Variants in TRPM3 observed in about 807,000 individuals in gnomAD.
TRPM3 encodes the protein long transient receptor potential channel 3.
In TRPM3, 77 loss-of-function variants were observed where a neutral mutation model predicts 181.2. The ratio of observed to expected loss-of-function variants is 0.42; its 90% CI spans 0.35 to 0.51. The LOEUF (loss-of-function observed/expected upper bound fraction) is 0.51. TRPM3 is among the 20% of genes least tolerant of loss of function. TRPM3 has a pLI of 0.01. For missense variants in TRPM3, 1,759 were observed against 2,196.7 expected, an observed-to-expected ratio of 0.80 and a Z score of 3.98; for synonymous variants, 745 against 796.4, an observed-to-expected ratio of 0.94 and a Z score of 1.09.
rs190335118 is a variant in TRPM3, at chr9:70,840,277, G to T, written c.801+2726C>A. Among the ~76,000 whole-genome samples the T allele has an allele frequency of 6.8e-4, 103 of 152,228 alleles. 1 individual carries two copies. The highest frequency in any genetic ancestry group is 4.4e-5 in the Non-Finnish European group (3 of 67,994). ...TAGTTCCCTAGTTTTAAGGGAAGAA[G>T]GTAACAGAGTGGTCAAAATTCAATA... is the stretch of plus-strand genomic sequence containing the variant. On this transcript the variant is annotated intron_variant, in intron 5 of 25. Transcript: ENST00000677713.
intron 1 of TRPM3, among the ~76,000 whole-genome samples, chr9:71,035,964 T>C: frequency 6.7e-6 from 1 of 148,978 alleles, no homozygotes; most frequent in East Asian, 2.0e-4. Context: ...AAACTCAACT[T>C]GGTGATGCAA....
chr9:70,597,694 G>C (rs1157438691), intron 21 of TRPM3, among the ~76,000 whole-genome samples: 1 of 152,132 alleles, frequency 6.6e-6, no homozygotes, highest in East Asian at 1.9e-4. Flanking sequence ...ATATTAGCTT[G>C]TTACTTGGGA....
intron 1 of TRPM3, among the ~76,000 whole-genome samples, chr9:71,039,749 C>A (rs540390158): frequency 6.6e-6 from 1 of 152,272 alleles, no homozygotes; most frequent in South Asian, 2.1e-4. Flanking sequence ...GTTGTGTCTT[C>A]TGTAAATGGA....
At chr9:71,196,034 G>A (rs565249952) in intron 1 of TRPM3, among the ~76,000 whole-genome samples, 6 of 151,996 alleles carry the variant, frequency 3.9e-5, no homozygotes, top group South Asian at 4.2e-4. Context: ...CTTAGTACCC[G>A]GGTGACGAAA....
At chr9:71,420,667 GAAA>G (rs1294054499) in intron 1 of TRPM3, among the ~76,000 whole-genome samples, 1 of 120,522 alleles carries the variant, frequency 8.3e-6, no homozygotes, top group Non-Finnish European at 1.7e-5. Flanking sequence ...AAAAGAGAAA[GAAA>G]GAGAGAAAGA....
chr9:70,553,113 C>T (rs777100507), intron 23 of TRPM3, 47 bp downstream of exon 23: 3 of 1,613,652 alleles, frequency 1.9e-6, no homozygotes, highest in Admixed American at 3.3e-5. Flanking sequence ...CTCCCCTTCA[C>T]CCCTGCTGTC....
chr9:71,050,233 G>A (rs2059916367), intron 1 of TRPM3, among the ~76,000 whole-genome samples: 1 of 152,200 alleles, frequency 6.6e-6, no homozygotes, highest in South Asian at 2.1e-4. Flanking sequence ...GGAATATGAT[G>A]CTGGGGATGG....
chr9:70,667,330 T>C (rs1004905670), intron 9 of TRPM3, among the ~76,000 whole-genome samples: 18 of 152,138 alleles, frequency 1.2e-4, no homozygotes, highest in Non-Finnish European at 1.9e-4. Flanking sequence ...CTTGGGAAGA[T>C]CAAAATTTAC....
chr9:71,122,026 G>A (rs2073709169), upstream of TRPM3, among the ~76,000 whole-genome samples: 2 of 152,188 alleles, frequency 1.3e-5, no homozygotes, highest in South Asian at 4.1e-4. Flanking sequence ...TGAGACAGAA[G>A]CAAACTCAAA....
chr9:71,127,801 C>T (rs1473804068), intron 1 of TRPM3, among the ~76,000 whole-genome samples: 1 of 152,160 alleles, frequency 6.6e-6, no homozygotes, highest in Non-Finnish European at 1.5e-5. Flanking sequence ...CCAAGCTTTA[C>T]CATTTACATG....
At chr9:71,255,845 ATC>A (rs898523674) in intron 1 of TRPM3, among the ~76,000 whole-genome samples, 34 of 152,266 alleles carry the variant, frequency 2.2e-4, no homozygotes, top group African/African-American at 7.5e-4. Flanking sequence ...CATAATCTGA[ATC>A]TCTTTTCTCT....
intron 3 of TRPM3, among the ~76,000 whole-genome samples, chr9:70,848,096 T>A (rs1375327067): frequency 6.6e-6 from 1 of 152,124 alleles, no homozygotes; most frequent in East Asian, 1.9e-4. Context: ...ATAAGATAAC[T>A]GTTAATATGT....
At chr9:70,995,785 C>T (rs2134175734) in intron 1 of TRPM3, among the ~76,000 whole-genome samples, 1 of 152,264 alleles carries the variant, frequency 6.6e-6, no homozygotes, top group East Asian at 1.9e-4. Context: ...CCATGCAAAA[C>T]CCAGTTGCTG....
At chr9:70,639,601 A>AG (rs1245729455) in intron 10 of TRPM3, among the ~76,000 whole-genome samples, 1 of 152,180 alleles carries the variant, frequency 6.6e-6, no homozygotes, top group East Asian at 1.9e-4. Context: ...ACCCCAGGCC[A>AG]ACTTGAGAAG....
chr9:71,243,607 A>G (rs1040440449), intron 1 of TRPM3, among the ~76,000 whole-genome samples: 31 of 152,214 alleles, frequency 2.0e-4, no homozygotes, highest in Admixed American at 9.2e-4. Flanking sequence ...ATGCATTGTA[A>G]GTACTCAATA....
At chr9:70,863,814 T>C (rs1334325942) in intron 2 of TRPM3, among the ~76,000 whole-genome samples, 1 of 152,076 alleles carries the variant, frequency 6.6e-6, no homozygotes, top group Non-Finnish European at 1.5e-5. Flanking sequence ...AGATGAAATA[T>C]TGTAGTTTTG....
At chr9:70,772,005 A>G (rs1484774830) in intron 7 of TRPM3, among the ~76,000 whole-genome samples, 2 of 152,170 alleles carry the variant, frequency 1.3e-5, no homozygotes, top group African/African-American at 2.4e-5. Context: ...TAGGTGTTCA[A>G]AAAATATCTA....
chr9:70,668,245 G>A lies in TRPM3; in HGVS notation c.1345+13261C>T, dbSNP rs183017588. ...TATAGATTCCATGAACTTCTAGCAT[G>A]TGACCTTGGCCAAGATACTTAGCCT... On this transcript the variant is annotated intron_variant, in intron 9 of 25. Coordinates refer to ENST00000677713, the MANE Select transcript of TRPM3 (RefSeq NM_001366145.2). Among the ~76,000 whole-genome samples the A allele has an allele frequency of 1.7e-4, 26 of 152,270 alleles. No individual in the cohort carries two copies. In the East Asian group the frequency reaches 4.4e-3, roughly 26 times the overall value.
intron 1 of TRPM3, among the ~76,000 whole-genome samples, chr9:71,030,545 A>G (rs2057157562): frequency 6.6e-6 from 1 of 151,912 alleles, no homozygotes; most frequent in Non-Finnish European, 1.5e-5. Context: ...AGCCTGGGCA[A>G]CAGAGTGAGA....
Sources: gnomAD v4.1 joint callset for allele counts (sites outside exome capture counted in the v4.1 genomes callset) on GRCh38, gnomAD v4.1.1 for gene constraint, MANE v1.5 for transcripts, NCBI Gene and HGNC (gene_info 2026-07-23, HGNC 2026-07-21) for gene names.